Variants in ABCB11 observed in about 807,000 individuals in gnomAD.
ABCB11 encodes the protein bile salt export pump.
ABCB11 carries 95 observed loss-of-function variants against 148.0 expected under a neutral mutation model. The observed-to-expected ratio is 0.64, with a 90% CI of 0.54 to 0.76. The LOEUF (loss-of-function observed/expected upper bound fraction) is 0.76, where lower values mean the gene tolerates loss of function less well. ABCB11 is among the 30% of genes least tolerant of loss of function. The pLI, the probability that ABCB11 is intolerant of heterozygous loss-of-function variation, is 0.00. For missense variants in ABCB11, 1,523 were observed against 1,617.8 expected (o/e 0.94, Z 1.01); for synonymous variants, 591 against 555.4 (o/e 1.06, Z -0.90).
intron 11 of ABCB11, among the ~76,000 whole-genome samples, chr2:168,978,518 A>C (rs1694013271): frequency 6.6e-6 from 1 of 152,132 alleles, no homozygotes; most frequent in African/African-American, 2.4e-5. Context: ...CAGATAAAGC[A>C]ATGAGTCACT....
chr2:169,013,339 C>A lies in ABCB11; in HGVS notation c.322G>T (p.Val108Leu). Residue 108 changes from valine (V) to leucine (L), a missense_variant, in exon 5 of 28, where the codon GTG (valine) becomes TTG (leucine). By Grantham distance (32) the Val-to-Leu change is conservative. Transcript: ENST00000650372. Reference protein sequence around the residue: ...QELQIPGKACVNNTIVWTNSS... With the variant: ...QELQIPGKACLNNTIVWTNSS... ...TTAGTCCATACAATGGTGTTATTCA[C>A]ACATGCTTTTCCTGGAATCTGGAGT... 1 of 1,613,830 alleles carries A rather than the reference C, an allele frequency of 6.2e-7. No homozygotes were observed. The highest frequency in any genetic ancestry group is 8.5e-7 in the Non-Finnish European group (1 of 1,179,772).
chr2:168,935,166 T>G lies in ABCB11; in HGVS notation c.3056+18A>C. ...CTTGTGTGTTGATCTTTTCTCACCT[T>G]GGCTAGATATTCCTCACCTGAACAC... On this transcript the variant is annotated intron_variant, in intron 23 of 27. Transcript: ENST00000650372. 6.2e-7 allele frequency: 1 copy of G among 1,613,238 alleles called. No individual in the cohort carries two copies. The highest frequency in any genetic ancestry group is 8.5e-7 in the Non-Finnish European group (1 of 1,179,262).
chr2:168,991,057 G>A, intron 8 of ABCB11, 132 bp from the exon 9 acceptor site: 1 of 1,133,794 alleles, frequency 8.8e-7, no homozygotes, highest in African/African-American at 1.6e-5. Flanking sequence ...ATCATTGACA[G>A]GAGGAAGAAA....
chr2:168,964,096 A>G, intron 18 of ABCB11, 110 bp downstream of exon 18: 1 of 700,420 alleles, frequency 1.4e-6, no homozygotes, highest in South Asian at 2.1e-5. Context: ...CTGACTTGAA[A>G]CACTGCTAGA....
chr2:168,970,472 C>A, intron 14 of ABCB11: 1 of 958,274 alleles, frequency 1.0e-6, no homozygotes, highest in South Asian at 1.5e-5. Context: ...AGCTCAACTT[C>A]AAATAAGATT....
intron 18 of ABCB11, among the ~76,000 whole-genome samples, chr2:168,961,012 T>G (rs1476445657): frequency 6.6e-6 from 1 of 151,718 alleles, no homozygotes; most frequent in Non-Finnish European, 1.5e-5. Context: ...AGCAGCTCCA[T>G]AGTAGGGAGA....
intron 19 of ABCB11, among the ~76,000 whole-genome samples, chr2:168,950,214 A>G (rs7570477): frequency 0.028 from 4,260 of 151,348 alleles, 123 homozygotes; most frequent in African/African-American, 0.074. Flanking sequence ...ATGTATATAT[A>G]TGTGTATATG....
Position 168,971,256 on chromosome 2 carries a change from A to G in ABCB11, c.1638+591T>C, listed in dbSNP as rs144319098. ...TTAATAGGTGTGAAGTGCTTAGAAC[A>G]GTGCCTGGTATGTAGTAAGAACCGT... On this transcript the variant is annotated intron_variant, in intron 14 of 27. Coordinates refer to ENST00000650372, the MANE Select transcript of ABCB11 (RefSeq NM_003742.4). Among the ~76,000 whole-genome samples the G allele has an allele frequency of 2.7e-3, 416 of 152,194 alleles. 6 individuals are homozygous for G. The highest frequency in any genetic ancestry group is 0.025 in the Admixed American group (374 of 15,250).
rs1309399283 is a variant in ABCB11, at chr2:168,973,756, G to C, written c.1393C>G (p.Leu465Val). ...GPSGAGKSTALQLIQRFYDPC... is the reference protein window; with the variant it reads ...GPSGAGKSTAVQLIQRFYDPC... ...TCATAGAATCGCTGAATGAGTTGCAGTGCTGTACTTTTTCCAGCTCCACTG... is the reference window on the plus strand; with the variant it reads ...TCATAGAATCGCTGAATGAGTTGCACTGCTGTACTTTTTCCAGCTCCACTG... The change falls in exon 13 of 28, where the codon CTG becomes GTG. Residue 465 changes from leucine to valine, a missense_variant. Transcript: ENST00000650372. The C allele has an allele frequency of 6.2e-7, 1 of 1,612,266 alleles. No homozygotes were observed.
chr2:168,971,108 T>C (rs893878181), intron 14 of ABCB11, among the ~76,000 whole-genome samples: 1 of 99,950 alleles, frequency 1.0e-5, no homozygotes, highest in African/African-American at 3.6e-5. Context: ...ACCTTGTCTT[T>C]ACCATTTACT....
intron 11 of ABCB11, among the ~76,000 whole-genome samples, chr2:168,978,071 GTCA>G (rs978117914): frequency 6.9e-6 from 1 of 145,206 alleles, no homozygotes; most frequent in Non-Finnish European, 1.5e-5. Context: ...CACTTTTAGA[GTCA>G]TCATCTTATT....
intron 18 of ABCB11, among the ~76,000 whole-genome samples, chr2:168,958,744 C>T (rs1692916342): frequency 6.6e-6 from 1 of 151,674 alleles, no homozygotes; most frequent in African/African-American, 2.4e-5. Flanking sequence ...CAGCATTTCT[C>T]TTTAGTTGCC....
chr2:169,005,166 G>T (rs1694982636), intron 5 of ABCB11, among the ~76,000 whole-genome samples: 2 of 152,066 alleles, frequency 1.3e-5, no homozygotes, highest in Non-Finnish European at 2.9e-5. Context: ...GAGTGCATCA[G>T]CTATGGTCCT....
chr2:168,972,009 C>A lies in ABCB11; in HGVS notation c.1476G>T (p.Gln492His). 6.2e-7 allele frequency: 1 copy of A among 1,612,878 alleles called. No individual in the cohort carries two copies. Among genetic ancestry groups the A allele is most frequent in the Non-Finnish European group, 8.5e-7 (1 of 1,179,302 alleles). ...CTATCCCAATCTGATCTCTAAGCCA[C>A]TGAATGTTAAGAGAGCGAATGTCAT... ...DGHDIRSLNI[Q>H]WLRDQIGIVE... Residue 492 changes from glutamine (Q) to histidine (H), a missense_variant, in exon 14 of 28, where the codon CAG becomes CAT. Physicochemically the swap from Gln to His is conservative, Grantham distance 24. Transcript: ENST00000650372.
At chr2:169,012,280 T>G (rs767444243) in intron 5 of ABCB11, among the ~76,000 whole-genome samples, 19 of 152,156 alleles carry the variant, frequency 1.2e-4, no homozygotes, top group Non-Finnish European at 2.9e-5. Context: ...TAAGCTGTTC[T>G]GAACTTGAGC....
At chr2:169,016,747 A>G (rs1695368602) in intron 3 of ABCB11, 31 bp downstream of exon 3, 2 of 1,579,160 alleles carry the variant, frequency 1.3e-6, no homozygotes, top group Non-Finnish European at 1.7e-6. Context: ...ATTCTAGAAA[A>G]GATGCTGCAT....
At chr2:168,981,538 G>A (rs1337006785) in intron 10 of ABCB11, among the ~76,000 whole-genome samples, 1 of 152,114 alleles carries the variant, frequency 6.6e-6, no homozygotes, top group Non-Finnish European at 1.5e-5. Flanking sequence ...TCTCTTCAAT[G>A]GTAGTAATGA....
rs751149363 is a variant in ABCB11, at chr2:169,003,319, G to GGTGTGTGT, written c.390-6598_390-6597insACACACAC. Among the ~76,000 whole-genome samples the GGTGTGTGT allele has an allele frequency of 7.4e-3, 1,041 of 140,098 alleles. 6 individuals carry two copies. The highest frequency in any genetic ancestry group is 9.8e-3 in the Non-Finnish European group (638 of 65,306). 91.9% of individuals were successfully genotyped at this position (140,098 alleles called of 152,430 possible). A position where few individuals can be genotyped will look rare whatever the true frequency, so the allele number is the denominator to read the frequency against. Reference sequence around the variant, plus strand: ...TTTTTATGGCTGAGTAGTATTCCATGGTGCGTGTGTGTGTGTGTGTGTGTG... The same window carrying GGTGTGTGT: ...TTTTTATGGCTGAGTAGTATTCCATGGTGTGTGTGTGCGTGTGTGTGTGTGTGTGTGTG... On this transcript the variant is annotated intron_variant, in intron 5 of 27. Coordinates refer to ENST00000650372, the MANE Select transcript of ABCB11 (RefSeq NM_003742.4).
At chr2:169,023,898 C>T (rs947810995) in intron 1 of ABCB11, among the ~76,000 whole-genome samples, 3 of 152,118 alleles carry the variant, frequency 2.0e-5, no homozygotes, top group African/African-American at 7.2e-5. Context: ...GCAAGTATGG[C>T]ATAGGGTTTA....
Sources: allele counts gnomAD v4.1 joint callset (sites outside exome capture counted in the v4.1 genomes callset), GRCh38; gene constraint gnomAD v4.1.1; transcripts MANE v1.5; gene names NCBI Gene and HGNC (gene_info 2026-07-23, HGNC 2026-07-21).